APLP2: variants seen among roughly 807,000 people sequenced by gnomAD.
APLP2 encodes amyloid beta precursor like protein 2.
A neutral mutation model predicts 89.9 loss-of-function variants in APLP2; 53 were observed. The ratio of observed to expected loss-of-function variants is 0.59; its 90% CI spans 0.47 to 0.74. The LOEUF (loss-of-function observed/expected upper bound fraction) is 0.74, where lower values mean the gene tolerates loss of function less well. Ranked by LOEUF, APLP2 falls within the 30% of genes least tolerant of loss-of-function variation. The pLI, the probability that APLP2 is intolerant of heterozygous loss-of-function variation, is 0.00. For synonymous variants in APLP2, 372 were observed against 348.6 expected, an observed-to-expected ratio of 1.07 and a Z score of -0.75; for missense variants, 973 against 975.9, an observed-to-expected ratio of 1.00 and a Z score of 0.04.
intron 1 of APLP2, among the ~76,000 whole-genome samples, chr11:130,090,247 C>CTT (rs539249012): frequency 2.0e-4 from 17 of 86,088 alleles, no homozygotes; most frequent in African/African-American, 3.9e-4. Flanking sequence ...CTAGCTCTGT[C>CTT]TTTTTTTTTT....
chr11:130,080,564 T>G (rs377298885), intron 1 of APLP2, among the ~76,000 whole-genome samples: 1 of 152,020 alleles, frequency 6.6e-6, no homozygotes, highest in East Asian at 1.9e-4. Flanking sequence ...GGCTAATGTG[T>G]GTTCCAGACA....
In APLP2 at chr11:130,141,835, G is replaced by A. The variant is rs1952437141; in HGVS notation, c.1999-84G>A. The A allele has an allele frequency of 6.6e-7, 1 of 1,505,564 alleles. No homozygotes were observed. Among genetic ancestry groups the A allele is most frequent in the East Asian group, 2.3e-5 (1 of 43,752 alleles). 93.3% of individuals were successfully genotyped at this position (1,505,564 alleles called of 1,614,324 possible). On this transcript the variant is annotated intron_variant, in intron 15 of 16. Coordinates refer to ENST00000338167, the MANE Select transcript of APLP2 (RefSeq NM_001142276.2). The surrounding 1 kb of genome is among the most constrained non-coding windows in gnomAD (Gnocchi z 4.2). ...TGGGTTTTAGGGGCTCGACCTTCCA[G>A]GAGCGTGGCCCTCAGTGAGTTACTT...
chr11:130,091,406 G>A (rs1176339599), intron 1 of APLP2, among the ~76,000 whole-genome samples: 11 of 142,688 alleles, frequency 7.7e-5, no homozygotes, highest in Non-Finnish European at 1.5e-4. Context: ...GCGGCTGGCC[G>A]GGCAGAGGGG....
chr11:130,127,843 A>T lies in APLP2; in HGVS notation c.1296+3A>T, dbSNP rs1286314542. 1.2e-6 allele frequency: 2 copies of T among 1,613,398 alleles called. No homozygotes were observed. The highest frequency in any genetic ancestry group is 1.7e-6 in the Non-Finnish European group (2 of 1,179,498). ...CAGAGAGGCAGACTCTGATTCAGGT[A>T]AGATGCCTTCTCTGGGGACATAGCT... On this transcript the variant is annotated splice_donor_region_variant and intron_variant, in intron 9 of 16. Transcript: ENST00000338167.
At position 130,120,785 on chromosome 11, in the gene APLP2, G is replaced by A. The variant is rs781133160; in HGVS notation, c.483G>A (p.Glu161=). 6.2e-7 allele frequency: 1 copy of A among 1,613,930 alleles called. No individual in the cohort carries two copies. The highest frequency in any genetic ancestry group is 8.5e-7 in the Non-Finnish European group (1 of 1,179,864). Reference sequence around the variant, plus strand: ...ACAAAGAGCGGATGGAGGTGTGTGAGAATCACCAGCACTGGCACACGGTAG... The same window carrying A: ...ACAAAGAGCGGATGGAGGTGTGTGAAAATCACCAGCACTGGCACACGGTAG... ...FFHKERMEVC[E]NHQHWHTVVK... Residue 161 remains glutamate, a synonymous_variant, in exon 4 of 17, where the codon GAG becomes GAA. Coordinates refer to ENST00000338167, the MANE Select transcript of APLP2 (RefSeq NM_001142276.2).
At chr11:130,073,590 C>T (rs570072211) in intron 1 of APLP2, among the ~76,000 whole-genome samples, 5 of 152,322 alleles carry the variant, frequency 3.3e-5, no homozygotes, top group African/African-American at 9.6e-5. Context: ...CGCCTGTAAT[C>T]CTAGCACTTT....
intron 3 of APLP2, among the ~76,000 whole-genome samples, chr11:130,117,824 A>G (rs1353625904): frequency 1.3e-5 from 2 of 152,274 alleles, no homozygotes; most frequent in African/African-American, 2.4e-5. Context: ...TGTAATCCCA[A>G]CACTTGGGGA....
At chr11:130,097,587 C>T (rs1243348931) in intron 1 of APLP2, among the ~76,000 whole-genome samples, 1 of 152,136 alleles carries the variant, frequency 6.6e-6, no homozygotes, top group Admixed American at 6.6e-5. Flanking sequence ...GTCCCTGCTA[C>T]TTGTGGGGCT....
chr11:130,119,156 A>G (rs1215748058), intron 3 of APLP2, among the ~76,000 whole-genome samples: 1 of 152,096 alleles, frequency 6.6e-6, no homozygotes, highest in Non-Finnish European at 1.5e-5. Flanking sequence ...CTTAGACCAC[A>G]TTACTTTCTC....
chr11:130,140,594 CAGT>C lies in APLP2; in HGVS notation c.1923+114_1923+116del, dbSNP rs954461180. ...CACGTCTCTGTGTTCGTTTTCCGCACAGTAGAAGGTTGGAGGGCTCCAACGGCT... is the reference window on the plus strand; with the variant it reads ...CACGTCTCTGTGTTCGTTTTCCGCACAGAAGGTTGGAGGGCTCCAACGGCT... On this transcript the variant is annotated intron_variant, in intron 14 of 16. Transcript: ENST00000338167. 5.9e-6 allele frequency: 5 copies of C among 840,688 alleles called. No individual in the cohort carries two copies. The African/African-American group carries it at 8.6e-5, about 14-fold the overall frequency. The allele number at this position is 840,688 out of a possible 1,614,324, so 52.1% of individuals were successfully genotyped here.
intron 1 of APLP2, among the ~76,000 whole-genome samples, chr11:130,094,690 T>G (rs1945952562): frequency 6.6e-6 from 1 of 152,244 alleles, no homozygotes; most frequent in Non-Finnish European, 1.5e-5. Flanking sequence ...TCTGTCATGT[T>G]TGAATTTTCC....
At chr11:130,070,305 G>A (rs1452888617) in intron 1 of APLP2, among the ~76,000 whole-genome samples, 1 of 151,296 alleles carries the variant, frequency 6.6e-6, no homozygotes, top group African/African-American at 2.4e-5. Flanking sequence ...CAAATGAAAG[G>A]CGTCGGGGCT....
At chr11:130,133,515 A>G (rs1186479555) in intron 11 of APLP2, 114 bp from the exon 12 acceptor site, 22 of 727,342 alleles carry the variant, frequency 3.0e-5, no homozygotes, top group South Asian at 1.1e-4. Flanking sequence ...TCTGTAGAGA[A>G]TATGCTTTGT....
intron 13 of APLP2, 81 bp downstream of exon 13, chr11:130,135,796 A>G: frequency 6.5e-7 from 1 of 1,539,866 alleles, no homozygotes; most frequent in Non-Finnish European, 8.9e-7. Flanking sequence ...TTCGAAAACC[A>G]AATTGAGTTG....
At chr11:130,086,065 A>G (rs185782540) in intron 1 of APLP2, among the ~76,000 whole-genome samples, 1 of 152,368 alleles carries the variant, frequency 6.6e-6, no homozygotes, top group African/African-American at 2.4e-5. Flanking sequence ...CTAAGAAGTG[A>G]AACTGCTGGA....
chr11:130,082,759 GA>G, intron 1 of APLP2: 1 of 234,642 alleles, frequency 4.3e-6, no homozygotes, highest in Non-Finnish European at 8.9e-6. Context: ...TGTATTGTAG[GA>G]AAGCCTGTGA....
Position 130,141,878 on chromosome 11 carries a change from T to A in APLP2, c.1999-41T>A, listed in dbSNP as rs1163259750. ...AGTTACTTGCCTCACGGCTGCCAGA[T>A]GGTCACTGGGACTTTTTTCCACGTC... On this transcript the variant is annotated intron_variant, in intron 15 of 16. Coordinates refer to ENST00000338167, the MANE Select transcript of APLP2 (RefSeq NM_001142276.2). This position sits in a 1 kb window ranked among gnomAD's most constrained non-coding sequence, Gnocchi z 4.2. 1 of 1,572,260 alleles carries A rather than the reference T, an allele frequency of 6.4e-7. No homozygotes were observed. The highest frequency in any genetic ancestry group is 1.2e-5 in the South Asian group (1 of 86,268).
rs374703249 is a variant in APLP2 at position 130,081,565 on chromosome 11, T to A, written c.105+11483T>A. On this transcript the variant is annotated intron_variant, in intron 1 of 16. Coordinates refer to ENST00000338167, the MANE Select transcript of APLP2 (RefSeq NM_001142276.2). ...GAACTTATATAAATGCTCAGTGGGTTCAATTATGTGGAAAAAAATTAAGGA... is the reference window on the plus strand; with the variant it reads ...GAACTTATATAAATGCTCAGTGGGTACAATTATGTGGAAAAAAATTAAGGA... Among the ~76,000 whole-genome samples the A allele has an allele frequency of 9.3e-4, 142 of 152,330 alleles. 8 individuals are homozygous for A. The South Asian group carries it at 0.029, about 31-fold the overall frequency.
intron 7 of APLP2, among the ~76,000 whole-genome samples, chr11:130,125,817 G>GT (rs1950311814): frequency 6.6e-6 from 1 of 152,202 alleles, no homozygotes; most frequent in Non-Finnish European, 1.5e-5. Context: ...GCTAGTAAGT[G>GT]TTACCTTAGG....
Sources: gnomAD v4.1 joint callset for allele counts (sites outside exome capture counted in the v4.1 genomes callset) on GRCh38, gnomAD v4.1.1 for gene constraint, Gnocchi (gnomAD v3.1) non-coding constraint, MANE v1.5 for transcripts, NCBI Gene and HGNC (gene_info 2026-07-23, HGNC 2026-07-21) for gene names.